The following MAGI2 variants were observed in gnomAD, a reference collection of about 807,000 sequenced individuals.
MAGI2 encodes the protein membrane associated guanylate kinase, WW and PDZ domain containing 2, also known as membrane-associated guanylate kinase, WW and PDZ domain-containing protein 2.
In MAGI2, 35 loss-of-function variants were observed where a neutral mutation model predicts 133.3. The ratio of observed to expected loss-of-function variants is 0.26; its 90% confidence interval spans 0.20 to 0.35. MAGI2 has a LOEUF of 0.35. Among genes scored for constraint, MAGI2 ranks in the 10% least tolerant of loss-of-function variants. The pLI, the probability that MAGI2 is intolerant of heterozygous loss-of-function variation, is 1.00. For synonymous variants in MAGI2, 729 were observed against 710.6 expected (o/e 1.03, Z -0.41); for missense variants, 1,636 against 1,863.4 (o/e 0.88, Z 2.25).
chr7:78,129,955 A>AG (rs1211601643), intron 18 of MAGI2, among the ~76,000 whole-genome samples: 2 of 151,092 alleles, frequency 1.3e-5, no homozygotes, highest in Non-Finnish European at 2.9e-5. Flanking sequence ...AAAAAAAAAA[A>AG]AAAAAGAATC....
At chr7:78,739,773 G>A (rs80192823) in intron 2 of MAGI2, among the ~76,000 whole-genome samples, 2,308 of 152,190 alleles carry the variant, frequency 0.015, 70 homozygotes, top group African/African-American at 0.053. Flanking sequence ...AATAGGCGCC[G>A]CAAATCAGTA....
In MAGI2 at chr7:78,019,210, G is replaced by T; in HGVS notation, c.*105C>A. On this transcript the variant is annotated 3_prime_UTR_variant, in exon 22 of 22. Coordinates refer to ENST00000354212, the MANE Select transcript of MAGI2 (RefSeq NM_012301.4). Reference sequence around the variant, plus strand: ...CGATGCTCCCAGGCCTTGGTGCCTCGTGGATCTATGCGTGTGACAGTGAAA... The same window carrying T: ...CGATGCTCCCAGGCCTTGGTGCCTCTTGGATCTATGCGTGTGACAGTGAAA... 1 of 1,345,162 alleles carries T rather than the reference G, an allele frequency of 7.4e-7. No homozygotes were observed. Among genetic ancestry groups the T allele is most frequent in the Non-Finnish European group, 1.0e-6 (1 of 989,038 alleles). The allele number at this position is 1,345,162 out of a possible 1,614,324, so 83.3% of individuals were successfully genotyped here. A position where few individuals can be genotyped will look rare whatever the true frequency, so the allele number is the denominator to read the frequency against.
chr7:78,173,131 C>T (rs1206549809), intron 14 of MAGI2, among the ~76,000 whole-genome samples: 1 of 152,144 alleles, frequency 6.6e-6, no homozygotes, highest in Non-Finnish European at 1.5e-5. Flanking sequence ...TTGATGACTG[C>T]CCACTGGAGG....
intron 9 of MAGI2, among the ~76,000 whole-genome samples, chr7:78,322,035 G>C (rs2151124133): frequency 6.6e-6 from 1 of 152,320 alleles, no homozygotes; most frequent in East Asian, 1.9e-4. Flanking sequence ...GGTCATTAGA[G>C]AAATGCAAAT....
At chr7:78,940,520 A>T (rs1352241315) in intron 2 of MAGI2, 2 of 152,158 alleles carry the variant, frequency 1.3e-5, no homozygotes, top group Non-Finnish European at 2.9e-5. Context: ...GAGTAAACCT[A>T]GCAGCTCCTT....
intron 7 of MAGI2, among the ~76,000 whole-genome samples, chr7:78,353,138 T>TA (rs1255414908): frequency 6.6e-6 from 1 of 152,236 alleles, no homozygotes; most frequent in African/African-American, 2.4e-5. Context: ...CTTTTGCTTC[T>TA]AGATTGAGTG....
chr7:78,925,049 C>A (rs1799587836), intron 2 of MAGI2, among the ~76,000 whole-genome samples: 1 of 151,976 alleles, frequency 6.6e-6, no homozygotes, highest in African/African-American at 2.4e-5. Flanking sequence ...TAATTAGAGT[C>A]TTGGTTTAGT....
chr7:79,452,979 C>T, intron 1 of MAGI2, 41 bp downstream of exon 1: 1 of 1,511,118 alleles, frequency 6.6e-7, no homozygotes, highest in Non-Finnish European at 8.8e-7. Flanking sequence ...CCCGAGCGGT[C>T]CCACCGCCCG....
intron 6 of MAGI2, among the ~76,000 whole-genome samples, chr7:78,400,882 C>T (rs1796793668): frequency 6.6e-6 from 1 of 152,118 alleles, no homozygotes; most frequent in African/African-American, 2.4e-5. Context: ...TGACATCCTG[C>T]TGCTTAATAT....
intron 6 of MAGI2, among the ~76,000 whole-genome samples, chr7:78,444,526 T>C (rs1017149): frequency 0.95 from 144,864 of 152,086 alleles, 69,096 homozygotes; most frequent in East Asian, 0.98. Context: ...GCATTTCTCA[T>C]GAAGAATAAA....
chr7:79,132,248 A>AT (rs1821002548), intron 1 of MAGI2, among the ~76,000 whole-genome samples: 1 of 152,096 alleles, frequency 6.6e-6, no homozygotes, highest in Non-Finnish European at 1.5e-5. Flanking sequence ...CCTTCACCTA[A>AT]GTAGTATACA....
intron 1 of MAGI2, among the ~76,000 whole-genome samples, chr7:79,169,239 G>A (rs964995693): frequency 4.6e-5 from 7 of 151,774 alleles, no homozygotes; most frequent in African/African-American, 1.2e-4. Flanking sequence ...TTTCAGTTAC[G>A]GTTGGTACTC....
intron 6 of MAGI2, among the ~76,000 whole-genome samples, chr7:78,459,129 G>C (rs967557819): frequency 6.6e-6 from 1 of 152,102 alleles, no homozygotes; most frequent in African/African-American, 2.4e-5. Flanking sequence ...CATAGAAACT[G>C]CTTCTACACT....
intron 2 of MAGI2, among the ~76,000 whole-genome samples, chr7:78,818,358 T>C (rs1301154547): frequency 6.6e-6 from 1 of 152,216 alleles, no homozygotes; most frequent in Non-Finnish European, 1.5e-5. Context: ...GTTTTTTATT[T>C]GAGAGCTCAG....
At chr7:78,926,905 G>A (rs1384271314) in intron 2 of MAGI2, among the ~76,000 whole-genome samples, 1 of 151,624 alleles carries the variant, frequency 6.6e-6, no homozygotes, top group African/African-American at 2.4e-5. Flanking sequence ...TGTCACTGAG[G>A]GGAAACAGTG....
At chr7:78,437,354 G>C (rs1053573193) in intron 6 of MAGI2, among the ~76,000 whole-genome samples, 1 of 152,108 alleles carries the variant, frequency 6.6e-6, no homozygotes, top group Non-Finnish European at 1.5e-5. Flanking sequence ...TTTGGAATTG[G>C]GGGAAGAAGT....
In MAGI2 at chr7:78,156,432, G is replaced by T. The variant is rs1439297815; in HGVS notation, c.2845+3593C>A. Among the ~76,000 whole-genome samples the T allele has an allele frequency of 5.3e-5, 8 of 152,118 alleles. No homozygotes were observed. In the East Asian group the frequency reaches 1.5e-3, roughly 29 times the overall value. ...AGCCAGAGTAAACTCTGCACTACTC[G>T]ACAAGAGTGAGCTGGTGGAATGAAA... is the stretch of plus-strand genomic sequence containing the variant. On this transcript the variant is annotated intron_variant, in intron 16 of 21. Coordinates refer to ENST00000354212, the MANE Select transcript of MAGI2 (RefSeq NM_012301.4).
At chr7:78,593,781 A>T (rs1804300947) in intron 3 of MAGI2, among the ~76,000 whole-genome samples, 3 of 152,214 alleles carry the variant, frequency 2.0e-5, no homozygotes. Context: ...ATTTAAAAAA[A>T]TTCAAGTTCT....
chr7:78,999,117 C>T (rs912027009), intron 2 of MAGI2, among the ~76,000 whole-genome samples: 4 of 151,918 alleles, frequency 2.6e-5, no homozygotes, highest in Non-Finnish European at 5.9e-5. Context: ...TGATCAATAG[C>T]CCACAAACCA....
Sources: gnomAD v4.1 joint callset for allele counts (sites outside exome capture counted in the v4.1 genomes callset) on GRCh38, gnomAD v4.1.1 for gene constraint, MANE v1.5 for transcripts, NCBI Gene and HGNC (gene_info 2026-07-23, HGNC 2026-07-21) for gene names.